The following TICRR variants were observed in gnomAD, a reference collection of about 807,000 sequenced individuals.
The protein encoded by TICRR is treslin.
A neutral mutation model predicts 178.1 loss-of-function variants in TICRR; 132 were observed. The ratio of observed to expected loss-of-function variants is 0.74; its 90% CI spans 0.64 to 0.86. The LOEUF (loss-of-function observed/expected upper bound fraction) is 0.86, where lower values mean the gene tolerates loss of function less well. Ranked by LOEUF, TICRR falls within the 40% of genes least tolerant of loss-of-function variation. TICRR has a pLI of 0.00. For missense variants in TICRR, 2,587 were observed against 2,334.3 expected, an observed-to-expected ratio of 1.11 and a Z score of -2.23; for synonymous variants, 991 against 900.7, an observed-to-expected ratio of 1.10 and a Z score of -1.79.
intron 13 of TICRR, among the ~76,000 whole-genome samples, chr15:89,605,469 C>T (rs1205745538): frequency 1.3e-5 from 2 of 152,082 alleles, no homozygotes; most frequent in African/African-American, 2.4e-5. Flanking sequence ...CCCGGGTTCA[C>T]GCCATTCTCC....
chr15:89,583,941 G>T (rs528021781), intron 2 of TICRR, among the ~76,000 whole-genome samples: 1 of 152,218 alleles, frequency 6.6e-6, no homozygotes, highest in East Asian at 1.9e-4. Flanking sequence ...TCTGGCCTTG[G>T]CCTCCCAAAG....
intron 13 of TICRR, among the ~76,000 whole-genome samples, chr15:89,606,121 C>G (rs904152843): frequency 5.3e-5 from 8 of 152,120 alleles, no homozygotes; most frequent in African/African-American, 1.9e-4. Flanking sequence ...GTGTATATTT[C>G]CAGGCCCTTT....
At chr15:89,592,264 G>A in intron 5 of TICRR, 88 bp downstream of exon 5, 1 of 1,114,292 alleles carries the variant, frequency 9.0e-7, no homozygotes, top group Non-Finnish European at 1.3e-6. Context: ...CACATTCTCT[G>A]AGTATAGTCT....
intron 21 of TICRR, among the ~76,000 whole-genome samples, chr15:89,626,494 C>T (rs1162101782): frequency 6.6e-6 from 1 of 152,134 alleles, no homozygotes; most frequent in Non-Finnish European, 1.5e-5. Flanking sequence ...CTAGGATTCC[C>T]CTTCCCCTTC....
intron 5 of TICRR, among the ~76,000 whole-genome samples, chr15:89,593,650 C>A (rs2028476): frequency 0.82 from 125,339 of 152,112 alleles, 52,430 homozygotes; most frequent in Non-Finnish European, 0.92. Context: ...AGGTTGCAGC[C>A]AGCCAAGATC....
intron 3 of TICRR, among the ~76,000 whole-genome samples, chr15:89,585,336 T>G (rs1241331556): frequency 2.0e-5 from 3 of 152,248 alleles, no homozygotes; most frequent in African/African-American, 7.2e-5. Context: ...AAGTCACATA[T>G]GCTTGGCATC....
At chr15:89,603,447 T>G (rs1046653331) in intron 13 of TICRR, among the ~76,000 whole-genome samples, 2 of 152,096 alleles carry the variant, frequency 1.3e-5, no homozygotes, top group Middle Eastern at 3.2e-3. Context: ...TAGCCAGGCA[T>G]GGTGGCACAT....
intron 16 of TICRR, among the ~76,000 whole-genome samples, chr15:89,617,557 C>G (rs985857026): frequency 2.0e-5 from 3 of 152,218 alleles, no homozygotes; most frequent in Non-Finnish European, 4.4e-5. Flanking sequence ...GAATCTCACT[C>G]TGTCACTCAG....
Position 89,625,232 on chromosome 15 carries a change from C to T in TICRR, c.4922C>T (p.Thr1641Ile). The change falls in exon 20 of 22, where the codon ACC (threonine) becomes ATC (isoleucine). Residue 1641 changes from threonine to isoleucine, a missense_variant. Thr to Ile is a moderately conservative substitution (Grantham distance 89, BLOSUM62 -1). Coordinates refer to ENST00000268138, the MANE Select transcript of TICRR (RefSeq NM_152259.4). ...HSTPGKSRGQ[T>I]YICQACTPTH... ...ACACCTGGCAAGAGCAGGGGGCAAACCTACATCTGCCAGGCCTGTACCCCC... is the reference window on the plus strand; with the variant it reads ...ACACCTGGCAAGAGCAGGGGGCAAATCTACATCTGCCAGGCCTGTACCCCC... The T allele has an allele frequency of 6.2e-7, 1 of 1,613,694 alleles. No homozygotes were observed.
chr15:89,591,964 C>A, intron 4 of TICRR, 83 bp from the exon 5 acceptor site: 1 of 1,331,284 alleles, frequency 7.5e-7, no homozygotes. Context: ...GCAGTCAGTC[C>A]AGGGGAGGAG....
At chr15:89,580,034 C>T (rs11073877) in intron 1 of TICRR, 71,875 of 152,054 alleles carry the variant, frequency 0.47, 18,219 homozygotes, top group Non-Finnish European at 0.58. Flanking sequence ...ACCCACCTCC[C>T]GAGACAGAGT....
intron 19 of TICRR, 45 bp downstream of exon 19, chr15:89,621,595 C>T: frequency 6.6e-7 from 1 of 1,524,826 alleles, no homozygotes; most frequent in African/African-American, 1.4e-5. Context: ...TCTCCTGGAA[C>T]ACAGAGACAT....
Position 89,627,043 on chromosome 15 carries a change from A to T in TICRR, c.5690A>T (p.Tyr1897Phe). The change falls in exon 22 of 22, where the codon TAT becomes TTT. Residue 1897 changes from tyrosine (Y) to phenylalanine (F), a missense_variant. Physicochemically the swap from Tyr to Phe is conservative, Grantham distance 22. Coordinates refer to ENST00000268138, the MANE Select transcript of TICRR (RefSeq NM_152259.4). The stretch of plus-strand genomic sequence containing the variant: ...AGGAGGCGCCCCATCAGCAGAACTT[A>T]TACACGGAAGAAGCTCATGGGAACC... The part of the protein sequence containing the change: ...FSRRRPISRT[Y>F]TRKKLMGTWL... The T allele has an allele frequency of 1.2e-6, 2 of 1,614,122 alleles. No homozygotes were observed. The highest frequency in any genetic ancestry group is 1.7e-6 in the Non-Finnish European group (2 of 1,180,028).
intron 7 of TICRR, among the ~76,000 whole-genome samples, chr15:89,598,250 G>T (rs1398149769): frequency 6.6e-6 from 1 of 151,906 alleles, no homozygotes; most frequent in Non-Finnish European, 1.5e-5. Context: ...TGGGATTACA[G>T]GCGTGAGCCA....
intron 15 of TICRR, 144 bp from the exon 16 acceptor site, chr15:89,616,261 C>T: frequency 1.6e-6 from 1 of 644,924 alleles, no homozygotes; most frequent in Non-Finnish European, 2.8e-6. Flanking sequence ...GTCCTGTAAC[C>T]ATAGAACTTA....
At chr15:89,586,725 C>T (rs1322438104) in intron 4 of TICRR, among the ~76,000 whole-genome samples, 4 of 152,024 alleles carry the variant, frequency 2.6e-5, no homozygotes, top group South Asian at 2.1e-4. Flanking sequence ...CTGGTAGAGG[C>T]GACAGCGAGT....
intron 14 of TICRR, 50 bp downstream of exon 14, chr15:89,606,875 A>G: frequency 6.6e-7 from 1 of 1,516,194 alleles, no homozygotes; most frequent in Non-Finnish European, 9.1e-7. Context: ...TGACAACTTT[A>G]TTTTTATTGT....
intron 15 of TICRR, among the ~76,000 whole-genome samples, chr15:89,615,155 G>A (rs1423182006): frequency 6.6e-6 from 1 of 152,232 alleles, no homozygotes; most frequent in African/African-American, 2.4e-5. Context: ...TCAGGCAGCT[G>A]TAACATTTAA....
Position 89,581,306 on chromosome 15 carries a change from ATTG to A in TICRR, c.655-1374_655-1372del, listed in dbSNP as rs566783035. On this transcript the variant is annotated intron_variant, in intron 1 of 21. Transcript: ENST00000268138. ...CTTCATATTCCCATAGTAGCTGAAT[ATTG>A]TTGTTATACTGTGATGCCACGTTAA... Among the ~76,000 whole-genome samples, 11 of 152,266 alleles carry A rather than the reference ATTG, an allele frequency of 7.2e-5. No individual in the cohort carries two copies. The South Asian group carries it at 2.3e-3, about 32-fold the overall frequency.
Sources: allele counts gnomAD v4.1 joint callset (sites outside exome capture counted in the v4.1 genomes callset), GRCh38; gene constraint gnomAD v4.1.1; transcripts MANE v1.5; gene names NCBI Gene and HGNC (gene_info 2026-07-23, HGNC 2026-07-21).